CNTNAP2: variants seen among roughly 807,000 people sequenced by gnomAD.
CNTNAP2 encodes contactin-associated protein-like 2.
In CNTNAP2, 98 loss-of-function variants were observed where a neutral mutation model predicts 155.2. The ratio of observed to expected loss-of-function variants is 0.63; its 90% CI spans 0.54 to 0.75. CNTNAP2 has a LOEUF of 0.75. Ranked by LOEUF, CNTNAP2 falls within the 30% of genes least tolerant of loss-of-function variation. The pLI is 0.00. For synonymous variants in CNTNAP2, 651 were observed against 631.2 expected, an observed-to-expected ratio of 1.03 and a Z score of -0.47; for missense variants, 1,727 against 1,688.1, an observed-to-expected ratio of 1.02 and a Z score of -0.40.
At chr7:147,415,371 A>C (rs557148635) in intron 10 of CNTNAP2, among the ~76,000 whole-genome samples, 1 of 152,312 alleles carries the variant, frequency 6.6e-6, no homozygotes, top group East Asian at 1.9e-4. Context: ...TGTCATCCCC[A>C]TAATCCCCAC....
intron 14 of CNTNAP2, among the ~76,000 whole-genome samples, chr7:147,944,862 C>T (rs541798471): frequency 8.5e-5 from 13 of 152,116 alleles, no homozygotes; most frequent in Non-Finnish European, 1.8e-4. Flanking sequence ...GTAGATAATC[C>T]TTCTAGCTAC....
chr7:146,960,996 G>A (rs545781677), intron 3 of CNTNAP2, among the ~76,000 whole-genome samples: 27 of 152,164 alleles, frequency 1.8e-4, no homozygotes, highest in Non-Finnish European at 3.1e-4. Flanking sequence ...GCTCTCACCC[G>A]CTCATTCTCT....
chr7:146,921,595 G>A (rs1403544492), intron 3 of CNTNAP2, among the ~76,000 whole-genome samples: 2 of 152,112 alleles, frequency 1.3e-5, no homozygotes. Context: ...CATGACATGA[G>A]AGCTTGTGCG....
At chr7:147,462,623 GT>G (rs1413759957) in intron 10 of CNTNAP2, among the ~76,000 whole-genome samples, 2 of 152,194 alleles carry the variant, frequency 1.3e-5, no homozygotes, top group Admixed American at 6.5e-5. Context: ...GAAAAAGGCA[GT>G]TGTCATATAC....
rs189241662 is a variant in CNTNAP2 at position 148,254,526 on chromosome 7, C to A, written c.3382-12507C>A. 3.3e-5 allele frequency among the ~76,000 whole-genome samples: 5 copies of A among 152,150 alleles called. No homozygotes were observed. The East Asian group carries it at 9.7e-4, about 29-fold the overall frequency. On this transcript the variant is annotated intron_variant, in intron 20 of 23. Transcript: ENST00000361727. ...GCACGTTGGCTCATACCTATAATCCCAGCACTTTGGGAGGCCGAGGTGGGC... is the reference window on the plus strand; with the variant it reads ...GCACGTTGGCTCATACCTATAATCCAAGCACTTTGGGAGGCCGAGGTGGGC...
At chr7:146,339,265 G>A (rs912816532) in intron 1 of CNTNAP2, among the ~76,000 whole-genome samples, 14 of 152,030 alleles carry the variant, frequency 9.2e-5, no homozygotes, top group African/African-American at 1.7e-4. Flanking sequence ...GTGTACATAC[G>A]TGCATGCACA....
chr7:146,436,514 AG>A (rs1215099166), intron 1 of CNTNAP2, among the ~76,000 whole-genome samples: 1 of 152,226 alleles, frequency 6.6e-6, no homozygotes, highest in African/African-American at 2.4e-5. Context: ...AATCACAATA[AG>A]GGGAGATAAT....
rs144107663 is a variant in CNTNAP2 at position 147,555,336 on chromosome 7, G to C, written c.1778-6802G>C. On this transcript the variant is annotated intron_variant, in intron 11 of 23. Coordinates refer to ENST00000361727, the MANE Select transcript of CNTNAP2 (RefSeq NM_014141.6). ...CTATGCCTACGTTTTACATGAAAAG[G>C]CTTCTTTATCCATTCAAGGGTAGAA... 2.4e-3 allele frequency among the ~76,000 whole-genome samples: 366 copies of C among 152,182 alleles called. 1 individual carries two copies. Among genetic ancestry groups the C allele is most frequent in the Non-Finnish European group, 3.6e-3 (246 of 67,996 alleles).
At chr7:147,529,849 TA>T (rs1412573834) in intron 11 of CNTNAP2, among the ~76,000 whole-genome samples, 1 of 152,200 alleles carries the variant, frequency 6.6e-6, no homozygotes, top group African/African-American at 2.4e-5. Flanking sequence ...ATTATGTTTT[TA>T]AACATGAAAA....
At chr7:147,349,631 A>G (rs1190956801) in intron 9 of CNTNAP2, among the ~76,000 whole-genome samples, 2 of 151,890 alleles carry the variant, frequency 1.3e-5, no homozygotes, top group Non-Finnish European at 2.9e-5. Flanking sequence ...TATAGTGCAG[A>G]TATCCCGCAT....
chr7:147,097,897 T>A lies in CNTNAP2; in HGVS notation c.551-10250T>A, dbSNP rs181308335. Among the ~76,000 whole-genome samples the A allele has an allele frequency of 1.5e-3, 233 of 152,328 alleles. 1 individual carries two copies. Among genetic ancestry groups the A allele is most frequent in the Admixed American group, 0.015 (228 of 15,298 alleles). On this transcript the variant is annotated intron_variant, in intron 4 of 23. Transcript: ENST00000361727. ...TCAATTTCATTTTAAATTCTGAGGC[T>A]TTGTAATATTGGATTTATCATACAC...
intron 3 of CNTNAP2, among the ~76,000 whole-genome samples, chr7:147,039,781 A>G (rs2129253597): frequency 6.6e-6 from 1 of 152,304 alleles, no homozygotes; most frequent in Non-Finnish European, 1.5e-5. Flanking sequence ...ACTAATTTCC[A>G]TGCTCACCAA....
At chr7:146,622,283 A>ATCTATC (rs1563160580) in intron 1 of CNTNAP2, among the ~76,000 whole-genome samples, 2,150 of 106,760 alleles carry the variant, frequency 0.02, 36 homozygotes, top group African/African-American at 0.05. Flanking sequence ...ATCTATCTAT[A>ATCTATC]TATATATATG....
intron 4 of CNTNAP2, among the ~76,000 whole-genome samples, chr7:147,083,830 A>T (rs1800200669): frequency 7.1e-6 from 1 of 141,522 alleles, no homozygotes; most frequent in South Asian, 2.2e-4. Context: ...ATACATATAC[A>T]CATGTATGTA....
intron 20 of CNTNAP2, among the ~76,000 whole-genome samples, chr7:148,253,632 C>T (rs1191326257): frequency 1.1e-4 from 17 of 152,232 alleles, no homozygotes; most frequent in African/African-American, 9.6e-5. Flanking sequence ...TTGAGTCTTA[C>T]GCCGAGGCCT....
chr7:147,263,498 T>C (rs994448247), intron 8 of CNTNAP2, among the ~76,000 whole-genome samples: 7 of 152,224 alleles, frequency 4.6e-5, no homozygotes, highest in Admixed American at 1.3e-4. Context: ...GTAAACATTG[T>C]TCTTCCTTGA....
At chr7:146,205,467 G>A (rs1326450938) in intron 1 of CNTNAP2, among the ~76,000 whole-genome samples, 6 of 151,884 alleles carry the variant, frequency 4.0e-5, no homozygotes, top group Admixed American at 1.3e-4. Flanking sequence ...AGGAGAGTAA[G>A]AACTATTAAT....
chr7:147,603,974 G>A (rs985976726), intron 12 of CNTNAP2, among the ~76,000 whole-genome samples: 85 of 151,842 alleles, frequency 5.6e-4, no homozygotes, highest in African/African-American at 2.0e-3. Context: ...AATGGGGAAA[G>A]GATTCCCTAT....
chr7:148,048,025 G>A (rs562778747), intron 15 of CNTNAP2, among the ~76,000 whole-genome samples: 47 of 151,936 alleles, frequency 3.1e-4, no homozygotes, highest in African/African-American at 1.1e-3. Context: ...CCAGGTTCAC[G>A]CCATTCTCCT....
Sources: gnomAD v4.1 joint callset for allele counts (sites outside exome capture counted in the v4.1 genomes callset) on GRCh38, gnomAD v4.1.1 for gene constraint, MANE v1.5 for transcripts, NCBI Gene and HGNC (gene_info 2026-07-23, HGNC 2026-07-21) for gene names.